Variants in GRM1 observed in about 807,000 individuals in gnomAD.
The protein encoded by GRM1 is metabotropic glutamate receptor 1.
In GRM1, 33 loss-of-function variants were observed where a neutral mutation model predicts 90.9. The observed-to-expected ratio is 0.36, with a 90% confidence interval of 0.28 to 0.49. The LOEUF (loss-of-function observed/expected upper bound fraction) is 0.49, where lower values mean the gene tolerates loss of function less well. Ranked by LOEUF, GRM1 falls within the 20% of genes least tolerant of loss-of-function variation. The probability of loss-of-function intolerance (pLI) is 0.99; values close to 1 mark genes in which losing one functional copy is unlikely to be tolerated. For synonymous variants in GRM1, 700 were observed against 613.2 expected (o/e 1.14, Z -2.09); for missense variants, 1,190 against 1,534.3 (o/e 0.78, Z 3.75).
intron 2 of GRM1, among the ~76,000 whole-genome samples, chr6:146,186,253 C>A (rs1419185286): frequency 1.3e-5 from 2 of 151,938 alleles, no homozygotes; most frequent in South Asian, 2.1e-4. Context: ...GTTGGGATAC[C>A]AGGCGTGAGC....
chr6:146,257,700 C>T (rs906787241), intron 2 of GRM1, among the ~76,000 whole-genome samples: 9 of 152,058 alleles, frequency 5.9e-5, no homozygotes, highest in African/African-American at 1.9e-4. Flanking sequence ...GGAGAAGACT[C>T]GTGAACCAGC....
At chr6:146,134,773 A>G (rs1039765194) in intron 1 of GRM1, among the ~76,000 whole-genome samples, 1 of 152,144 alleles carries the variant, frequency 6.6e-6, no homozygotes, top group African/African-American at 2.4e-5. Flanking sequence ...TACTAAAAAT[A>G]CAAAAAATGT....
At chr6:146,338,667 C>T (rs140575455) in intron 3 of GRM1, among the ~76,000 whole-genome samples, 50 of 152,258 alleles carry the variant, frequency 3.3e-4, no homozygotes, top group African/African-American at 1.2e-3. Flanking sequence ...ATCTAAAGCC[C>T]TCTGATTTGT....
intron 1 of GRM1, among the ~76,000 whole-genome samples, chr6:146,088,256 A>ATT (rs1009710218): frequency 1.3e-5 from 2 of 151,590 alleles, no homozygotes; most frequent in African/African-American, 4.8e-5. Flanking sequence ...GTGACAATAT[A>ATT]TTTTTTTCTG....
At chr6:146,179,942 G>GACCA (rs1778484319) in intron 2 of GRM1, among the ~76,000 whole-genome samples, 1 of 151,990 alleles carries the variant, frequency 6.6e-6, no homozygotes, top group Admixed American at 6.5e-5. Context: ...AGGAGTTCAA[G>GACCA]ACCAGCCTGG....
chr6:146,032,931 A>C (rs1054641208), intron 1 of GRM1, among the ~76,000 whole-genome samples: 8 of 152,122 alleles, frequency 5.3e-5, no homozygotes, highest in Non-Finnish European at 1.5e-5. Context: ...TTTATATTGA[A>C]GCTAAACTTG....
At chr6:146,376,895 G>A (rs923029151) in intron 5 of GRM1, among the ~76,000 whole-genome samples, 3 of 152,066 alleles carry the variant, frequency 2.0e-5, no homozygotes, top group Admixed American at 6.6e-5. Flanking sequence ...ATGAGGGCAG[G>A]TCTTTCTGGT....
chr6:146,201,589 A>G (rs1779297833), intron 2 of GRM1, among the ~76,000 whole-genome samples: 1 of 152,168 alleles, frequency 6.6e-6, no homozygotes, highest in Non-Finnish European at 1.5e-5. Context: ...AGAGTTCCAC[A>G]TTTATGACCT....
In GRM1 at chr6:146,029,741, G is replaced by A; in HGVS notation, c.224G>A (p.Gly75Asp). The A allele has an allele frequency of 6.2e-7, 1 of 1,614,008 alleles. No homozygotes were observed. Among genetic ancestry groups the A allele is most frequent in the Non-Finnish European group, 8.5e-7 (1 of 1,179,974 alleles). ...RKCGEIREQY[G>D]IQRVEAMFHT... is the part of the protein sequence containing the mutation. Reference sequence around the variant, plus strand: ...TGTGGGGAGATCAGGGAGCAGTATGGCATCCAGAGGGTGGAGGCCATGTTC... The same window carrying A: ...TGTGGGGAGATCAGGGAGCAGTATGACATCCAGAGGGTGGAGGCCATGTTC... Residue 75 changes from glycine (G) to aspartate (D), a missense_variant, in exon 1 of 8, where the codon GGC (glycine) becomes GAC (aspartate). Gly to Asp is a moderately conservative substitution (Grantham distance 94, BLOSUM62 -1). Transcript: ENST00000282753.
chr6:146,372,054 T>C (rs776658838), intron 5 of GRM1, among the ~76,000 whole-genome samples: 62 of 152,152 alleles, frequency 4.1e-4, no homozygotes, highest in Non-Finnish European at 8.1e-4. Flanking sequence ...TCCATAGTGA[T>C]TGTACTAATT....
At chr6:146,347,205 A>G (rs1429642204) in intron 3 of GRM1, among the ~76,000 whole-genome samples, 1 of 152,212 alleles carries the variant, frequency 6.6e-6, no homozygotes, top group Non-Finnish European at 1.5e-5. Context: ...AATTTTTGCT[A>G]ACAAATGTCC....
At chr6:146,379,835 C>T (rs1433552675) in intron 5 of GRM1, among the ~76,000 whole-genome samples, 2 of 152,018 alleles carry the variant, frequency 1.3e-5, no homozygotes, top group African/African-American at 4.8e-5. Flanking sequence ...ATAGAGGTAC[C>T]ACCTTGATTG....
rs1050048205 is a variant in GRM1, at chr6:146,434,586, A to G, written c.3375A>G (p.Glu1125=). The change falls in exon 8 of 8, where the codon GAA becomes GAG. Residue 1125 remains glutamate (E), a synonymous_variant. Transcript: ENST00000282753. ...REGNTEEDEL[E]EEEEDLQAAS... ...GGAACACGGAAGAAGACGAACTGGA[A>G]GAGGAGGAGGAGGACCTGCAGGCGG... 1.2e-6 allele frequency: 2 copies of G among 1,613,794 alleles called. No homozygotes were observed. The highest frequency in any genetic ancestry group is 2.7e-5 in the African/African-American group (2 of 74,938).
At chr6:146,216,011 C>A (rs896427626) in intron 2 of GRM1, among the ~76,000 whole-genome samples, 3 of 152,186 alleles carry the variant, frequency 2.0e-5, no homozygotes, top group Non-Finnish European at 4.4e-5. Flanking sequence ...CCCGCCTCAA[C>A]CTCCCAAAGT....
chr6:146,186,676 A>G (rs1778744471), intron 2 of GRM1, among the ~76,000 whole-genome samples: 1 of 152,182 alleles, frequency 6.6e-6, no homozygotes, highest in East Asian at 1.9e-4. Flanking sequence ...GCCACAGATC[A>G]TAGTTTTTTT....
At chr6:146,187,511 C>A (rs1778776196) in intron 2 of GRM1, among the ~76,000 whole-genome samples, 1 of 151,916 alleles carries the variant, frequency 6.6e-6, no homozygotes, top group Non-Finnish European at 1.5e-5. Flanking sequence ...ATAAAGATGT[C>A]ATTTAAGTGT....
chr6:146,170,687 T>TA (rs1356610024), intron 2 of GRM1, among the ~76,000 whole-genome samples: 25 of 152,138 alleles, frequency 1.6e-4, no homozygotes, highest in Non-Finnish European at 3.1e-4. Context: ...TCCTTTTTTT[T>TA]ACTTCTTTAA....
intron 1 of GRM1, among the ~76,000 whole-genome samples, chr6:146,058,699 C>A (rs78542890): frequency 6.6e-6 from 1 of 152,252 alleles, no homozygotes; most frequent in Non-Finnish European, 1.5e-5. Context: ...CATATTAGAA[C>A]TTGTTTCAAA....
In GRM1 at chr6:146,159,604, TTCTCTC is replaced by T. The variant is rs72225459; in HGVS notation, c.950+40_950+45del. ...AGTTCTCACTCATTGGAAGGTAAGT[TTCTCTC>T]TCTCTCTCTCTCTCTCTCTCTCTCT... On this transcript the variant is annotated splice_region_variant and intron_variant, in intron 2 of 7. Coordinates refer to ENST00000282753, the MANE Select transcript of GRM1 (RefSeq NM_001278064.2). 0.021 allele frequency: 25,649 copies of T among 1,197,764 alleles called. 55 individuals carry two copies. Among genetic ancestry groups the T allele is most frequent in the East Asian group, 0.055 (2,163 of 39,284 alleles). 74.2% of individuals were successfully genotyped at this position (1,197,764 alleles called of 1,614,324 possible). A position where few individuals can be genotyped will look rare whatever the true frequency, so the allele number is the denominator to read the frequency against.
Sources: gnomAD v4.1 joint callset for allele counts (sites outside exome capture counted in the v4.1 genomes callset) on GRCh38, gnomAD v4.1.1 for gene constraint, MANE v1.5 for transcripts, NCBI Gene and HGNC (gene_info 2026-07-23, HGNC 2026-07-21) for gene names.